The following DCAF6 variants were observed in gnomAD, a reference collection of about 807,000 sequenced individuals.
DCAF6 encodes the protein DDB1- and CUL4-associated factor 6.
In DCAF6, 54 loss-of-function variants were observed where a neutral mutation model predicts 125.1. The observed-to-expected ratio is 0.43, with a 90% CI of 0.35 to 0.54. The LOEUF is 0.54. Ranked by LOEUF, DCAF6 falls within the 20% of genes least tolerant of loss-of-function variation. The pLI is 0.01. For missense variants in DCAF6, 934 were observed against 1,161.7 expected (o/e 0.80, Z 2.85); for synonymous variants, 371 against 390.4 (o/e 0.95, Z 0.58).
Position 168,075,505 on chromosome 1 carries a change from A to T in DCAF6, c.*70A>T. 1 of 1,378,984 alleles carries T rather than the reference A, an allele frequency of 7.3e-7. No individual in the cohort carries two copies. Among genetic ancestry groups the T allele is most frequent in the Non-Finnish European group, 9.8e-7 (1 of 1,025,038 alleles). 85.4% of individuals were successfully genotyped at this position (1,378,984 alleles called of 1,614,324 possible). A position where few individuals can be genotyped will look rare whatever the true frequency, so the allele number is the denominator to read the frequency against. ...AGACATTTATTATATTTTTTTCTTT[A>T]CAGAGCTTTAGTGCAATTTTAAGGT... On this transcript the variant is annotated 3_prime_UTR_variant, in exon 22 of 22. Coordinates refer to ENST00000367840, the MANE Select transcript of DCAF6 (RefSeq NM_001198956.2).
At chr1:168,040,931 A>G (rs78258385) in intron 13 of DCAF6, among the ~76,000 whole-genome samples, 4 of 150,910 alleles carry the variant, frequency 2.7e-5, no homozygotes, top group Non-Finnish European at 4.4e-5. Flanking sequence ...AAAAAAAAAA[A>G]GTATACAGAC....
At chr1:167,916,280 C>T in the DCAF6 span, among the ~76,000 whole-genome samples, 1 of 152,226 alleles carries the variant, frequency 6.6e-6, no homozygotes. Flanking sequence ...GATCTCAGCT[C>T]ACTGCAACCT....
chr1:168,069,204 G>C (rs1257164443), intron 21 of DCAF6, among the ~76,000 whole-genome samples: 1 of 152,034 alleles, frequency 6.6e-6, no homozygotes, highest in Non-Finnish European at 1.5e-5. Context: ...TCACACAACT[G>C]ATAAATATTA....
the DCAF6 span, among the ~76,000 whole-genome samples, chr1:167,885,806 G>A: frequency 1.5e-4 from 23 of 152,152 alleles, no homozygotes; most frequent in African/African-American, 5.3e-4. Context: ...AGTAGAGACG[G>A]GGTTTCACCA....
At chr1:168,034,112 T>A (rs114065251) in intron 12 of DCAF6, among the ~76,000 whole-genome samples, 3 of 152,242 alleles carry the variant, frequency 2.0e-5, no homozygotes, top group Non-Finnish European at 4.4e-5. Flanking sequence ...AGTAACAACA[T>A]CAACAATTGA....
intron 12 of DCAF6, among the ~76,000 whole-genome samples, chr1:168,027,637 AT>A (rs1488483269): frequency 6.6e-6 from 1 of 152,020 alleles, no homozygotes; most frequent in Non-Finnish European, 1.5e-5. Context: ...ATGTTGTTTA[AT>A]TTTCCATAGC....
chr1:168,035,120 G>A (rs1383805684), intron 12 of DCAF6, among the ~76,000 whole-genome samples: 3 of 152,132 alleles, frequency 2.0e-5, no homozygotes, highest in Non-Finnish European at 4.4e-5. Context: ...GCTAGGAGAT[G>A]AATTTAAACC....
intron 1 of DCAF6, among the ~76,000 whole-genome samples, chr1:167,946,415 AG>A (rs2102673714): frequency 6.6e-6 from 1 of 152,248 alleles, no homozygotes; most frequent in Non-Finnish European, 1.5e-5. Context: ...ACTATATTGA[AG>A]AGTGGTGAAA....
At chr1:168,031,662 A>G (rs1028220128) in intron 12 of DCAF6, among the ~76,000 whole-genome samples, 3 of 152,152 alleles carry the variant, frequency 2.0e-5, no homozygotes, top group Non-Finnish European at 2.9e-5. Flanking sequence ...TAATTTATCT[A>G]CAAAATGAGA....
chr1:167,962,540 GTATGA>G (rs1395527476), intron 2 of DCAF6, among the ~76,000 whole-genome samples: 15 of 152,142 alleles, frequency 9.9e-5, no homozygotes, highest in African/African-American at 3.6e-4. Context: ...ATTTGTATTA[GTATGA>G]TATATTTTTC....
the DCAF6 span, chr1:167,875,291 A>G: frequency 8.7e-7 from 1 of 1,146,060 alleles, no homozygotes; most frequent in East Asian, 2.4e-5. Context: ...CTCAATTGCT[A>G]ACAAGAGTCT....
the DCAF6 span, among the ~76,000 whole-genome samples, chr1:167,890,716 T>C: frequency 6.6e-6 from 1 of 152,224 alleles, no homozygotes; most frequent in Non-Finnish European, 1.5e-5. Context: ...ATTTTTATAG[T>C]TAGGGATAAG....
intron 10 of DCAF6, among the ~76,000 whole-genome samples, chr1:168,010,045 C>A (rs975712826): frequency 6.6e-6 from 1 of 152,050 alleles, no homozygotes; most frequent in African/African-American, 2.4e-5. Context: ...ATACTTTTAG[C>A]CCCAGTCATT....
chr1:167,867,108 G>T, the DCAF6 span, among the ~76,000 whole-genome samples: 1 of 152,096 alleles, frequency 6.6e-6, no homozygotes, highest in South Asian at 2.1e-4. Flanking sequence ...CCTAAACCCC[G>T]CCACCTTGCT....
the DCAF6 span, chr1:167,917,035 T>TTG: frequency 6.6e-6 from 1 of 152,242 alleles, no homozygotes; most frequent in Non-Finnish European, 1.5e-5. Context: ...ACTCAAAAAG[T>TTG]TGTTTTGTCT....
chr1:168,065,666 G>C lies in DCAF6; in HGVS notation c.2516G>C (p.Arg839Pro). 1 of 1,613,248 alleles carries C rather than the reference G, an allele frequency of 6.2e-7. No individual in the cohort carries two copies. The highest frequency in any genetic ancestry group is 8.5e-7 in the Non-Finnish European group (1 of 1,179,570). ...SDCGHIFIWD[R>P]HTAEHLMLLE... ...TGTGGCCACATTTTCATCTGGGATC[G>C]GCACACTGCTGAGCATTTGATGCTT... Residue 839 changes from arginine to proline, a missense_variant, in exon 19 of 22, where the codon CGG becomes CCG. Physicochemically the swap from Arg to Pro is moderately radical, Grantham distance 103. Transcript: ENST00000367840.
chr1:167,997,907 C>T (rs758567432), intron 7 of DCAF6, among the ~76,000 whole-genome samples: 5 of 152,044 alleles, frequency 3.3e-5, no homozygotes, highest in Middle Eastern at 3.2e-3. Context: ...AGATACTCAA[C>T]GTTATTAGTC....
chr1:167,919,471 G>A, the DCAF6 span, among the ~76,000 whole-genome samples: 1,786 of 152,218 alleles, frequency 0.012, 27 homozygotes, highest in African/African-American at 0.04. Context: ...ATTAACTACT[G>A]AGTAAATAGT....
chr1:167,883,876 C>T, the DCAF6 span, among the ~76,000 whole-genome samples: 297 of 152,296 alleles, frequency 2.0e-3, no homozygotes, highest in African/African-American at 6.5e-3. Context: ...CAACTGCTGG[C>T]TTCCTCATGC....
Sources: gnomAD v4.1 joint callset for allele counts (sites outside exome capture counted in the v4.1 genomes callset) on GRCh38, gnomAD v4.1.1 for gene constraint, MANE v1.5 for transcripts, NCBI Gene and HGNC (gene_info 2026-07-23, HGNC 2026-07-21) for gene names.